PGR: variants seen among roughly 807,000 people sequenced by gnomAD.
PGR encodes progesterone receptor, also known as nuclear receptor subfamily 3 group C member 3.
In PGR, 25 loss-of-function variants were observed where a neutral mutation model predicts 76.1. The observed-to-expected ratio is 0.33, with a 90% CI of 0.24 to 0.46. PGR has a LOEUF of 0.46. Ranked by LOEUF, PGR falls within the 20% of genes least tolerant of loss-of-function variation. PGR has a pLI of 1.00. For synonymous variants in PGR, 579 were observed against 535.0 expected (o/e 1.08, Z -1.14); for missense variants, 1,172 against 1,225.3 (o/e 0.96, Z 0.65).
rs187992041 is a variant in PGR, at chr11:101,037,858, T to C, written c.*1258A>G. 11 of 219,944 alleles carry C rather than the reference T, an allele frequency of 5.0e-5. No individual in the cohort carries two copies. The highest frequency in any genetic ancestry group is 4.6e-4 in the East Asian group (7 of 15,058). 13.6% of individuals were successfully genotyped at this position (219,944 alleles called of 1,614,324 possible). On this transcript the variant is annotated 3_prime_UTR_variant, in exon 8 of 8. Transcript: ENST00000325455. ...TTCAACTCTCAGTCAGCAAACACTA[T>C]TGACCACTTTATATGGCTCCCAGAC... is the stretch of plus-strand genomic sequence containing the variant.
intron 2 of PGR, among the ~76,000 whole-genome samples, chr11:101,123,169 G>T (rs1422129977): frequency 6.6e-6 from 1 of 152,084 alleles, no homozygotes; most frequent in East Asian, 1.9e-4. Flanking sequence ...TGTAAAGTGG[G>T]AGTAATAATA....
chr11:101,030,794 G>C lies in PGR; in HGVS notation c.*8322C>G, dbSNP rs796851149. Reference sequence around the variant, plus strand: ...TAAAAGGTGGACTTAAGCATCAAAAGCTACTAGGACTAGATGAGAACTCAT... The same window carrying C: ...TAAAAGGTGGACTTAAGCATCAAAACCTACTAGGACTAGATGAGAACTCAT... On this transcript the variant is annotated 3_prime_UTR_variant, in exon 8 of 8. Coordinates refer to ENST00000325455, the MANE Select transcript of PGR (RefSeq NM_000926.4). The C allele has an allele frequency of 5.0e-6, 1 of 199,668 alleles. No individual in the cohort carries two copies. Among genetic ancestry groups the C allele is most frequent in the Non-Finnish European group, 1.0e-5 (1 of 96,718 alleles). 12.4% of individuals were successfully genotyped at this position (199,668 alleles called of 1,614,324 possible).
At chr11:101,086,252 T>C (rs956387785) in intron 3 of PGR, among the ~76,000 whole-genome samples, 4 of 152,150 alleles carry the variant, frequency 2.6e-5, no homozygotes, top group Admixed American at 1.3e-4. Context: ...CACGATCAAG[T>C]TGGCTTCACT....
chr11:101,103,468 A>G (rs1336490399), intron 2 of PGR, among the ~76,000 whole-genome samples: 1 of 152,108 alleles, frequency 6.6e-6, no homozygotes, highest in Non-Finnish European at 1.5e-5. Flanking sequence ...CCCGCATGTT[A>G]CTAAACTTCA....
chr11:101,079,647 C>T (rs985050795), intron 3 of PGR, among the ~76,000 whole-genome samples: 4 of 152,262 alleles, frequency 2.6e-5, no homozygotes, highest in South Asian at 2.1e-4. Flanking sequence ...GAGAAATTCT[C>T]GTACACTGTT....
chr11:101,047,809 G>T (rs1433892918), intron 6 of PGR, among the ~76,000 whole-genome samples: 1 of 151,936 alleles, frequency 6.6e-6, no homozygotes, highest in Non-Finnish European at 1.5e-5. Flanking sequence ...TTAAAACTTT[G>T]CCCACCCAGA....
chr11:101,033,503 A>G lies in PGR; in HGVS notation c.*5613T>C, dbSNP rs893706853. ...ACTAACTATTATTTAAAAAGCAATGACATTTTATACTATCAAGTTAAGGCT... is the reference window on the plus strand; with the variant it reads ...ACTAACTATTATTTAAAAAGCAATGGCATTTTATACTATCAAGTTAAGGCT... On this transcript the variant is annotated 3_prime_UTR_variant, in exon 8 of 8. Coordinates refer to ENST00000325455, the MANE Select transcript of PGR (RefSeq NM_000926.4). 1 of 191,250 alleles carries G rather than the reference A, an allele frequency of 5.2e-6. No homozygotes were observed. The highest frequency in any genetic ancestry group is 2.3e-5 in the African/African-American group (1 of 43,058). 11.8% of individuals were successfully genotyped at this position (191,250 alleles called of 1,614,324 possible). A position where few individuals can be genotyped will look rare whatever the true frequency, so the allele number is the denominator to read the frequency against.
chr11:101,129,032 G>A lies in PGR; in HGVS notation c.39C>T (p.His13=). 3 of 1,567,182 alleles carry A rather than the reference G, an allele frequency of 1.9e-6. No individual in the cohort carries two copies. The highest frequency in any genetic ancestry group is 2.6e-6 in the Non-Finnish European group (3 of 1,156,722). Reference sequence around the variant, plus strand: ...CGGGGGAGGGCGGGCCGCCCGCCACGTGGGGAGCCCGGGGACCCTTTGCCT... The same window carrying A: ...CGGGGGAGGGCGGGCCGCCCGCCACATGGGGAGCCCGGGGACCCTTTGCCT... The part of the protein sequence containing the change: ...ELKAKGPRAP[H]VAGGPPSPEV... Residue 13 remains histidine (H), a synonymous_variant, in exon 1 of 8, where the codon CAC becomes CAT. Coordinates refer to ENST00000325455, the MANE Select transcript of PGR (RefSeq NM_000926.4).
Position 101,062,334 on chromosome 11 carries a change from A to G in PGR, c.2212+113T>C, listed in dbSNP as rs1860531908. ...ACTGCTCAAACACATACTATCACAT[A>G]CTGTTTTATATTGTAGTTAATTTAC... On this transcript the variant is annotated intron_variant, in intron 4 of 7. Transcript: ENST00000325455. The G allele has an allele frequency of 8.7e-6, 7 of 805,084 alleles. No homozygotes were observed. The East Asian group carries it at 1.6e-4, about 18-fold the overall frequency. The allele number at this position is 805,084 out of a possible 1,614,324, so 49.9% of individuals were successfully genotyped here.
At chr11:101,112,051 C>CA (rs1007788750) in intron 2 of PGR, among the ~76,000 whole-genome samples, 3 of 152,068 alleles carry the variant, frequency 2.0e-5, no homozygotes, top group Non-Finnish European at 4.4e-5. Flanking sequence ...GATCAATTGT[C>CA]AAATGCTACC....
intron 4 of PGR, among the ~76,000 whole-genome samples, chr11:101,060,411 C>T (rs577883720): frequency 1.3e-5 from 2 of 152,300 alleles, no homozygotes; most frequent in South Asian, 4.1e-4. Flanking sequence ...AGCCTTGTGG[C>T]TTTTCTTTCT....
intron 3 of PGR, chr11:101,063,696 C>A (rs1364230258): frequency 6.6e-6 from 1 of 152,232 alleles, no homozygotes; most frequent in East Asian, 1.9e-4. Context: ...CTGCAATTAT[C>A]TAAGCAGAGG....
chr11:101,095,370 A>G (rs1861803456), intron 2 of PGR, among the ~76,000 whole-genome samples: 1 of 152,228 alleles, frequency 6.6e-6, no homozygotes, highest in South Asian at 2.1e-4. Context: ...TCAGATCTGC[A>G]ACTTACTATC....
At chr11:101,053,505 CTCCCTCCCCTTCTCCCTCCTTTCT>C (rs796773818) in intron 4 of PGR, among the ~76,000 whole-genome samples, 1 of 139,518 alleles carries the variant, frequency 7.2e-6, no homozygotes. Context: ...CCCACCTTTC[CTCCCTCCCCTTCTCCCTCCTTTCT>C]TCCCTCCCCT....
intron 3 of PGR, among the ~76,000 whole-genome samples, chr11:101,081,063 A>G (rs1269438397): frequency 6.6e-6 from 1 of 152,222 alleles, no homozygotes; most frequent in Admixed American, 6.5e-5. Flanking sequence ...AGTTGAGGGA[A>G]TAATTCAAGA....
At chr11:101,102,778 C>G (rs1158429226) in intron 2 of PGR, among the ~76,000 whole-genome samples, 1 of 143,448 alleles carries the variant, frequency 7.0e-6, no homozygotes, top group African/African-American at 2.6e-5. Context: ...TTTAATTTCT[C>G]TAGAACAGCA....
At chr11:101,052,168 A>C (rs2135395172) in intron 4 of PGR, among the ~76,000 whole-genome samples, 1 of 152,154 alleles carries the variant, frequency 6.6e-6, no homozygotes, top group South Asian at 2.1e-4. Flanking sequence ...AACAACCCTT[A>C]ACTATGTCGG....
chr11:101,041,706 T>C, intron 7 of PGR: 1 of 474,182 alleles, frequency 2.1e-6, no homozygotes, highest in Non-Finnish European at 3.7e-6. Flanking sequence ...CCATAATTTC[T>C]ATCAGCTATT....
At chr11:101,114,792 A>G (rs1862452477) in intron 2 of PGR, among the ~76,000 whole-genome samples, 1 of 152,088 alleles carries the variant, frequency 6.6e-6, no homozygotes, top group South Asian at 2.1e-4. Flanking sequence ...TCCTTAGTGC[A>G]CCATCCCCAG....
Sources: allele counts gnomAD v4.1 joint callset (sites outside exome capture counted in the v4.1 genomes callset), GRCh38; gene constraint gnomAD v4.1.1; transcripts MANE v1.5; gene names NCBI Gene and HGNC (gene_info 2026-07-23, HGNC 2026-07-21).